The following ADAM10 variants were observed in gnomAD, a reference collection of about 807,000 sequenced individuals.
The protein encoded by ADAM10 is ADAM metallopeptidase domain 10.
ADAM10 carries 17 observed loss-of-function variants against 90.1 expected under a neutral mutation model. The observed-to-expected ratio is 0.19, with a 90% CI of 0.13 to 0.28. The LOEUF (loss-of-function observed/expected upper bound fraction) is 0.28. Among genes scored for constraint, ADAM10 ranks in the 10% least tolerant of loss-of-function variants. The pLI is 1.00. For missense variants in ADAM10, 610 were observed against 914.3 expected, an observed-to-expected ratio of 0.67 and a Z score of 4.29; for synonymous variants, 310 against 298.6, an observed-to-expected ratio of 1.04 and a Z score of -0.40.
In ADAM10 at chr15:58,590,435, A is replaced by G. The variant is rs1265712165; in HGVS notation, c.*7112T>C. 6.6e-6 allele frequency: 1 copy of G among 152,240 alleles called. No homozygotes were observed. The highest frequency in any genetic ancestry group is 1.5e-5 in the Non-Finnish European group (1 of 68,044). 9.4% of individuals were successfully genotyped at this position (152,240 alleles called of 1,614,324 possible). On this transcript the variant is annotated 3_prime_UTR_variant, in exon 16 of 16. Transcript: ENST00000260408. Reference sequence around the variant, plus strand: ...AAGGCCCTGGCACAATCAAGTGCCTAAGAAGTATCTGTGAGTAAGGTAACT... The same window carrying G: ...AAGGCCCTGGCACAATCAAGTGCCTGAGAAGTATCTGTGAGTAAGGTAACT...
At chr15:58,641,739 G>A (rs1249844863) in intron 7 of ADAM10, among the ~76,000 whole-genome samples, 1 of 152,166 alleles carries the variant, frequency 6.6e-6, no homozygotes, top group Non-Finnish European at 1.5e-5. Context: ...CTCCTCTGAA[G>A]TCCTAGAACG....
At chr15:58,690,196 A>G (rs1382095139) in intron 2 of ADAM10, among the ~76,000 whole-genome samples, 2 of 152,198 alleles carry the variant, frequency 1.3e-5, no homozygotes, top group African/African-American at 4.8e-5. Flanking sequence ...GCACCTACTC[A>G]TGATAAAATT....
In ADAM10 at chr15:58,589,684, A is replaced by T. The variant is rs983013202; in HGVS notation, c.*7863T>A. 4 of 152,250 alleles carry T rather than the reference A, an allele frequency of 2.6e-5. No homozygotes were observed. Among genetic ancestry groups the T allele is most frequent in the Non-Finnish European group, 4.4e-5 (3 of 68,062 alleles). The allele number at this position is 152,250 out of a possible 1,614,324, so 9.4% of individuals were successfully genotyped here. On this transcript the variant is annotated 3_prime_UTR_variant, in exon 16 of 16. Coordinates refer to ENST00000260408, the MANE Select transcript of ADAM10 (RefSeq NM_001110.4). ...CTCGAAAGTTTGGCTTAGATGAGGC[A>T]GGATTATATTGTAATATGGTGTGTG...
At chr15:58,643,803 A>G in intron 7 of ADAM10, 83 bp downstream of exon 7, 4 of 1,123,820 alleles carry the variant, frequency 3.6e-6, no homozygotes, top group Non-Finnish European at 5.4e-6. Context: ...AGATAAAATT[A>G]AAAGCAAGCT....
intron 5 of ADAM10, among the ~76,000 whole-genome samples, chr15:58,657,129 T>C (rs1168188325): frequency 4.6e-5 from 7 of 152,232 alleles, no homozygotes; most frequent in Non-Finnish European, 8.8e-5. Flanking sequence ...CTTTTCTTTA[T>C]GGCCTTTGCT....
intron 8 of ADAM10, among the ~76,000 whole-genome samples, chr15:58,639,410 G>C (rs1896355626): frequency 6.6e-6 from 1 of 152,202 alleles, no homozygotes. Flanking sequence ...ATGAGACCCT[G>C]AGTTTTTAGT....
chr15:58,720,197 C>A (rs138101565), intron 1 of ADAM10, among the ~76,000 whole-genome samples: 1 of 152,002 alleles, frequency 6.6e-6, no homozygotes, highest in African/African-American at 2.4e-5. Flanking sequence ...GCACAAAGAG[C>A]GGCATAAAAG....
chr15:58,715,717 A>T (rs1374416758), intron 2 of ADAM10, among the ~76,000 whole-genome samples: 1 of 152,182 alleles, frequency 6.6e-6, no homozygotes, highest in African/African-American at 2.4e-5. Flanking sequence ...CCACTCACTC[A>T]TGCAAACTCT....
At chr15:58,708,856 G>A (rs1898385808) in intron 2 of ADAM10, among the ~76,000 whole-genome samples, 1 of 152,112 alleles carries the variant, frequency 6.6e-6, no homozygotes, top group Non-Finnish European at 1.5e-5. Flanking sequence ...CTTTATTCCT[G>A]CATACAAGTA....
At chr15:58,636,364 C>T (rs1164079640) in intron 8 of ADAM10, among the ~76,000 whole-genome samples, 2 of 151,548 alleles carry the variant, frequency 1.3e-5, no homozygotes, top group South Asian at 2.1e-4. Context: ...AAATAAAATA[C>T]TATTTGTAAC....
intron 11 of ADAM10, among the ~76,000 whole-genome samples, chr15:58,621,082 C>A (rs1019957380): frequency 7.3e-5 from 11 of 151,040 alleles, no homozygotes; most frequent in Non-Finnish European, 1.5e-4. Flanking sequence ...GGGCAAATGG[C>A]GTAACTCTGT....
At chr15:58,648,515 T>G (rs886613675) in intron 5 of ADAM10, among the ~76,000 whole-genome samples, 2 of 152,172 alleles carry the variant, frequency 1.3e-5, no homozygotes, top group Non-Finnish European at 1.5e-5. Context: ...AACTGGATGC[T>G]TTAATGTGAA....
At chr15:58,720,417 T>C (rs1390915356) in intron 1 of ADAM10, among the ~76,000 whole-genome samples, 2 of 147,014 alleles carry the variant, frequency 1.4e-5, no homozygotes, top group East Asian at 3.9e-4. Context: ...TTTTTTTTTT[T>C]TGAGACAGAG....
At chr15:58,710,772 A>T (rs1015673338) in intron 2 of ADAM10, among the ~76,000 whole-genome samples, 6 of 152,174 alleles carry the variant, frequency 3.9e-5, no homozygotes, top group Admixed American at 3.9e-4. Context: ...TACACCATTC[A>T]AATTTATTCC....
At chr15:58,633,120 G>A (rs1244215834) in intron 9 of ADAM10, 76 bp downstream of exon 9, 3 of 1,397,952 alleles carry the variant, frequency 2.1e-6, no homozygotes, top group African/African-American at 1.4e-5. Flanking sequence ...TTTTCACGGT[G>A]AATTTTAAAT....
At chr15:58,733,189 T>C (rs1425812942) in intron 1 of ADAM10, 2 of 152,240 alleles carry the variant, frequency 1.3e-5, no homozygotes, top group African/African-American at 2.4e-5. Context: ...AGCATGATCA[T>C]AAAAGAGAAG....
In ADAM10 at chr15:58,749,694, C is replaced by G. The variant is rs1595678883; in HGVS notation, c.-160G>C. Reference sequence around the variant, plus strand: ...GAAGCACCTCCCTCTCGCTCCACTTCAGGGGCCGGCAACGCTCCTAGCTCC... The same window carrying G: ...GAAGCACCTCCCTCTCGCTCCACTTGAGGGGCCGGCAACGCTCCTAGCTCC... On this transcript the variant is annotated 5_prime_UTR_variant, in exon 1 of 16. Transcript: ENST00000260408. 2.1e-6 allele frequency: 3 copies of G among 1,432,112 alleles called. No homozygotes were observed. The highest frequency in any genetic ancestry group is 5.6e-5 in the East Asian group (2 of 35,538). The allele number at this position is 1,432,112 out of a possible 1,614,324, so 88.7% of individuals were successfully genotyped here. A position where few individuals can be genotyped will look rare whatever the true frequency, so the allele number is the denominator to read the frequency against.
intron 1 of ADAM10, among the ~76,000 whole-genome samples, chr15:58,731,576 C>T (rs1899243480): frequency 6.6e-6 from 1 of 152,010 alleles, no homozygotes; most frequent in African/African-American, 2.4e-5. Flanking sequence ...TGGGGTTAGC[C>T]GTATTCACAC....
chr15:58,693,773 A>T (rs2140778163), intron 2 of ADAM10, among the ~76,000 whole-genome samples: 1 of 151,686 alleles, frequency 6.6e-6, no homozygotes, highest in Non-Finnish European at 1.5e-5. Context: ...AAAAAAAAAA[A>T]AAAGGCAAGC....
Sources: allele counts gnomAD v4.1 joint callset (sites outside exome capture counted in the v4.1 genomes callset), GRCh38; gene constraint gnomAD v4.1.1; transcripts MANE v1.5; gene names NCBI Gene and HGNC (gene_info 2026-07-23, HGNC 2026-07-21).